MEI1: variants seen among roughly 807,000 people sequenced by gnomAD.
The protein encoded by MEI1 is meiosis inhibitor protein 1.
Under a neutral mutation model 146.2 loss-of-function variants are expected in MEI1, and 103 were observed. That is an observed-to-expected ratio of 0.70 (90% confidence interval 0.60 to 0.83). The LOEUF (loss-of-function observed/expected upper bound fraction) is 0.83, where lower values mean the gene tolerates loss of function less well. Among genes scored for constraint, MEI1 ranks in the 40% least tolerant of loss-of-function variants. MEI1 has a pLI of 0.00. For synonymous variants in MEI1, 652 were observed against 628.2 expected, an observed-to-expected ratio of 1.04 and a Z score of -0.57; for missense variants, 1,529 against 1,533.0, an observed-to-expected ratio of 1.00 and a Z score of 0.04.
intron 11 of MEI1, 147 bp from the exon 12 acceptor site, chr22:41,742,933 C>T (rs2073000787): frequency 1.7e-6 from 1 of 576,032 alleles, no homozygotes; most frequent in Non-Finnish European, 3.2e-6. Context: ...GCGTGAGCCA[C>T]CATTCCTGGC....
chr22:41,751,931 A>G (rs866726958), intron 15 of MEI1, among the ~76,000 whole-genome samples: 26 of 149,318 alleles, frequency 1.7e-4, no homozygotes, highest in African/African-American at 5.9e-4. Context: ...TTAGCTGGGT[A>G]TGGTGGTGCG....
At chr22:41,727,655 G>A (rs1022781536) in intron 7 of MEI1, among the ~76,000 whole-genome samples, 4 of 152,126 alleles carry the variant, frequency 2.6e-5, no homozygotes, top group Non-Finnish European at 5.9e-5. Flanking sequence ...AGGACTCATA[G>A]GACTCAACGT....
intron 2 of MEI1, among the ~76,000 whole-genome samples, chr22:41,704,735 G>A (rs1271021255): frequency 6.6e-6 from 1 of 151,672 alleles, no homozygotes; most frequent in African/African-American, 2.4e-5. Flanking sequence ...CTTTTTTTGA[G>A]ATGGAGTCTT....
chr22:41,766,235 G>A (rs1351236859), intron 19 of MEI1, among the ~76,000 whole-genome samples: 10 of 150,870 alleles, frequency 6.6e-5, no homozygotes, highest in Non-Finnish European at 1.0e-4. Context: ...GTGCAGTGGC[G>A]CGATCTCTGC....
At chr22:41,747,732 C>T (rs1233192791) in intron 14 of MEI1, among the ~76,000 whole-genome samples, 1 of 148,566 alleles carries the variant, frequency 6.7e-6, no homozygotes, top group African/African-American at 2.5e-5. Flanking sequence ...CACCCCCACC[C>T]CCCCAAAAAA....
At chr22:41,705,641 G>C in intron 3 of MEI1, 87 bp downstream of exon 3, 1 of 1,155,644 alleles carries the variant, frequency 8.7e-7, no homozygotes. Context: ...TGGCGAAATT[G>C]TCTGTTTAGA....
intron 11 of MEI1, among the ~76,000 whole-genome samples, chr22:41,733,005 G>A (rs564993418): frequency 6.5e-4 from 98 of 151,826 alleles, no homozygotes; most frequent in African/African-American, 2.3e-3. Context: ...GGTCTCGAAC[G>A]CCTGACCTCA....
chr22:41,759,029 G>C (rs923524681), intron 18 of MEI1, among the ~76,000 whole-genome samples: 1 of 152,086 alleles, frequency 6.6e-6, no homozygotes, highest in Admixed American at 6.6e-5. Context: ...TGTAATCCCA[G>C]CTACTCTGGA....
intron 22 of MEI1, 68 bp downstream of exon 22, chr22:41,778,880 A>G: frequency 9.0e-7 from 1 of 1,112,626 alleles, no homozygotes; most frequent in Non-Finnish European, 1.3e-6. Flanking sequence ...CTCACTAAGT[A>G]GGCTGGTGTT....
intron 7 of MEI1, among the ~76,000 whole-genome samples, chr22:41,724,862 G>A (rs1776811136): frequency 6.6e-6 from 1 of 151,518 alleles, no homozygotes; most frequent in Admixed American, 6.6e-5. Context: ...GGAATGTAGT[G>A]GCACAATCAC....
chr22:41,778,686 C>T (rs1431516755), intron 21 of MEI1, 22 bp from the exon 22 acceptor site: 25 of 1,567,248 alleles, frequency 1.6e-5, no homozygotes, highest in Non-Finnish European at 2.1e-5. Flanking sequence ...GCTTCTTGCC[C>T]AGTCCTCCTT....
chr22:41,740,932 A>G (rs932538091), intron 11 of MEI1, among the ~76,000 whole-genome samples: 3 of 151,882 alleles, frequency 2.0e-5, no homozygotes, highest in Admixed American at 2.0e-4. Flanking sequence ...AGGCTCAGGG[A>G]TGAGGGTCTT....
intron 15 of MEI1, among the ~76,000 whole-genome samples, chr22:41,751,772 TAAAA>T (rs35211694): frequency 2.5e-3 from 299 of 119,400 alleles, no homozygotes; most frequent in African/African-American, 9.5e-3. Context: ...AACTCCATCT[TAAAA>T]AAAAAAAAAA....
intron 21 of MEI1, among the ~76,000 whole-genome samples, chr22:41,777,873 GTTCC>G (rs1241977624): frequency 1.4e-5 from 2 of 142,188 alleles, no homozygotes; most frequent in Non-Finnish European, 3.0e-5. Context: ...TCCTTCCTTC[GTTCC>G]TTCCTTCCAT....
At position 41,799,360 on chromosome 22, in the gene MEI1, ATTG is replaced by A. The variant is rs141703079; in HGVS notation, c.*65_*67del. On this transcript the variant is annotated 3_prime_UTR_variant, in exon 31 of 31. Transcript: ENST00000401548. ...ATGAGACCTGGAGACAAAGGGCATA[ATTG>A]TTGGGGAAATGGATGACAGCTGAAG... 0.013 allele frequency: 19,192 copies of A among 1,518,582 alleles called. 1,922 individuals carry two copies. The African/African-American group carries it at 0.23, about 18-fold the overall frequency. 94.1% of individuals were successfully genotyped at this position (1,518,582 alleles called of 1,614,324 possible). A position where few individuals can be genotyped will look rare whatever the true frequency, so the allele number is the denominator to read the frequency against.
chr22:41,718,763 A>T (rs772107991), intron 6 of MEI1, among the ~76,000 whole-genome samples: 1 of 152,156 alleles, frequency 6.6e-6, no homozygotes, highest in Non-Finnish European at 1.5e-5. Context: ...GAAGTCCAAG[A>T]TCAAGAGGCT....
At chr22:41,747,573 G>T (rs943143645) in intron 14 of MEI1, among the ~76,000 whole-genome samples, 4 of 151,854 alleles carry the variant, frequency 2.6e-5, no homozygotes, top group African/African-American at 7.3e-5. Context: ...GCGTGATGGC[G>T]CATGACTGTA....
At chr22:41,702,846 C>T (rs2068817586) in intron 1 of MEI1, among the ~76,000 whole-genome samples, 2 of 151,876 alleles carry the variant, frequency 1.3e-5, no homozygotes, top group South Asian at 4.2e-4. Context: ...GCAACCTCCG[C>T]CTCCCTGGGT....
At chr22:41,719,965 C>G (rs149386861) in intron 6 of MEI1, among the ~76,000 whole-genome samples, 17 of 152,232 alleles carry the variant, frequency 1.1e-4, no homozygotes, top group African/African-American at 3.1e-4. Flanking sequence ...AATGACCTAG[C>G]CATACATAGT....
Sources: gnomAD v4.1 joint callset for allele counts (sites outside exome capture counted in the v4.1 genomes callset) on GRCh38, gnomAD v4.1.1 for gene constraint, MANE v1.5 for transcripts, NCBI Gene and HGNC (gene_info 2026-07-23, HGNC 2026-07-21) for gene names.